The following SEMA3E variants were observed in gnomAD, a reference collection of about 807,000 sequenced individuals.
SEMA3E encodes semaphorin-3E.
Under a neutral mutation model 93.6 loss-of-function variants are expected in SEMA3E, and 49 were observed. That is an observed-to-expected ratio of 0.52 (90% CI 0.42 to 0.66). SEMA3E has a LOEUF of 0.66. Among genes scored for constraint, SEMA3E ranks in the 30% least tolerant of loss-of-function variants. The pLI is 0.00. For synonymous variants in SEMA3E, 363 were observed against 330.7 expected (o/e 1.10, Z -1.06); for missense variants, 906 against 964.8 (o/e 0.94, Z 0.81).
intron 1 of SEMA3E, among the ~76,000 whole-genome samples, chr7:83,620,159 A>G (rs1339448761): frequency 6.6e-6 from 1 of 151,972 alleles, no homozygotes; most frequent in Non-Finnish European, 1.5e-5. Context: ...AAAATATTCA[A>G]TAAGGTCTTC....
chr7:83,462,756 T>C (rs1466219086), intron 4 of SEMA3E, among the ~76,000 whole-genome samples: 2 of 144,258 alleles, frequency 1.4e-5, no homozygotes, highest in East Asian at 3.9e-4. Context: ...TCCCCCATTT[T>C]ACCTGTCCTA....
At chr7:83,547,766 T>C (rs1791681268) in intron 1 of SEMA3E, among the ~76,000 whole-genome samples, 1 of 152,176 alleles carries the variant, frequency 6.6e-6, no homozygotes, top group Non-Finnish European at 1.5e-5. Flanking sequence ...CAAATTTTCT[T>C]CCACCCACAG....
At chr7:83,538,823 C>A (rs1791461312) in intron 1 of SEMA3E, among the ~76,000 whole-genome samples, 2 of 152,146 alleles carry the variant, frequency 1.3e-5, no homozygotes, top group Admixed American at 6.6e-5. Context: ...CTTGAATAAA[C>A]CTTTTCAGGA....
chr7:83,575,336 C>T (rs1335338645), intron 1 of SEMA3E, among the ~76,000 whole-genome samples: 1 of 151,022 alleles, frequency 6.6e-6, no homozygotes, highest in Non-Finnish European at 1.5e-5. Context: ...AAAGATTAGG[C>T]ATTATATTCT....
At chr7:83,611,791 A>G (rs1277827681) in intron 1 of SEMA3E, among the ~76,000 whole-genome samples, 1 of 152,210 alleles carries the variant, frequency 6.6e-6, no homozygotes, top group East Asian at 1.9e-4. Flanking sequence ...AGCCTTGCCC[A>G]TAAAATCTAT....
rs762866887 is a variant in SEMA3E, at chr7:83,407,114, C to T, written c.796G>A (p.Val266Ile). 3.7e-6 allele frequency: 6 copies of T among 1,613,510 alleles called. No individual in the cohort carries two copies. In the South Asian group the frequency reaches 6.6e-5, roughly 18 times the overall value. Residue 266 changes from valine to isoleucine, a missense_variant, in exon 7 of 17, where the codon GTC (valine) becomes ATC (isoleucine). Val to Ile is a conservative substitution (Grantham distance 29). Coordinates refer to ENST00000643230, the MANE Select transcript of SEMA3E (RefSeq NM_012431.3). Reference protein sequence around the residue: ...ENNAHAIYTRVGRLCVNDVGG... With the variant: ...ENNAHAIYTRIGRLCVNDVGG... ...AGCCTCACCACACAGAGTCGCCCGA[C>T]CCTGGTGTAAATTGCGTGAGCATTG...
chr7:83,375,698 G>C (rs1268092210), intron 16 of SEMA3E, among the ~76,000 whole-genome samples: 1 of 152,022 alleles, frequency 6.6e-6, no homozygotes, highest in African/African-American at 2.4e-5. Context: ...CACAAAGCTA[G>C]AATGGTGTCA....
At chr7:83,543,741 T>C (rs1354810333) in intron 1 of SEMA3E, among the ~76,000 whole-genome samples, 1 of 152,070 alleles carries the variant, frequency 6.6e-6, no homozygotes, top group African/African-American at 2.4e-5. Flanking sequence ...TGAATAACTC[T>C]ATATTGCTCG....
At chr7:83,593,455 A>T (rs1339561374) in intron 1 of SEMA3E, among the ~76,000 whole-genome samples, 1 of 152,118 alleles carries the variant, frequency 6.6e-6, no homozygotes, top group Non-Finnish European at 1.5e-5. Context: ...ACAAAAAATA[A>T]TTATAGCTAC....
intron 4 of SEMA3E, among the ~76,000 whole-genome samples, chr7:83,453,579 A>G (rs1789410544): frequency 6.6e-6 from 1 of 152,206 alleles, no homozygotes; most frequent in African/African-American, 2.4e-5. Flanking sequence ...GACCAAAACA[A>G]AACATATTCT....
At chr7:83,527,559 C>T (rs1387610885) in intron 1 of SEMA3E, among the ~76,000 whole-genome samples, 2 of 152,112 alleles carry the variant, frequency 1.3e-5, no homozygotes, top group East Asian at 1.9e-4. Flanking sequence ...CAACTACACC[C>T]TAGTTGTAAA....
chr7:83,368,703 A>G (rs1794711409), intron 16 of SEMA3E, among the ~76,000 whole-genome samples: 3 of 152,254 alleles, frequency 2.0e-5, no homozygotes, highest in Admixed American at 6.5e-5. Flanking sequence ...AAGTTTCAAT[A>G]TACCTTCAGT....
chr7:83,618,963 C>A (rs1169583373), intron 1 of SEMA3E, among the ~76,000 whole-genome samples: 1 of 151,710 alleles, frequency 6.6e-6, no homozygotes, highest in African/African-American at 2.4e-5. Context: ...GAAAAACATA[C>A]CCATCATACA....
intron 4 of SEMA3E, among the ~76,000 whole-genome samples, chr7:83,447,979 A>G (rs1022908546): frequency 5.3e-5 from 8 of 152,194 alleles, no homozygotes; most frequent in African/African-American, 1.9e-4. Flanking sequence ...AAACACTCAA[A>G]ATAAAGTTTC....
intron 1 of SEMA3E, among the ~76,000 whole-genome samples, chr7:83,579,742 T>G (rs1210581581): frequency 6.6e-6 from 1 of 152,134 alleles, no homozygotes; most frequent in Non-Finnish European, 1.5e-5. Context: ...TCACTTTTAC[T>G]ATAGCAAGGT....
intron 1 of SEMA3E, among the ~76,000 whole-genome samples, chr7:83,523,382 G>A (rs1393636987): frequency 6.6e-6 from 1 of 152,062 alleles, no homozygotes; most frequent in Non-Finnish European, 1.5e-5. Context: ...AGGGGATGGA[G>A]AGGGAGGAAG....
At chr7:83,564,442 A>C (rs969218687) in intron 1 of SEMA3E, among the ~76,000 whole-genome samples, 1 of 152,126 alleles carries the variant, frequency 6.6e-6, no homozygotes, top group Non-Finnish European at 1.5e-5. Context: ...AAAAATCTTG[A>C]AAACACATTC....
At chr7:83,564,677 T>C (rs868019516) in intron 1 of SEMA3E, among the ~76,000 whole-genome samples, 3 of 152,332 alleles carry the variant, frequency 2.0e-5, no homozygotes, top group East Asian at 1.9e-4. Context: ...TAGAAACTTA[T>C]CTGTTTTTTT....
chr7:83,474,123 T>G (rs909395810), intron 2 of SEMA3E, among the ~76,000 whole-genome samples: 22 of 119,624 alleles, frequency 1.8e-4, no homozygotes, highest in Non-Finnish European at 3.1e-4. Flanking sequence ...AAAAGAAAAA[T>G]AAGACGTATG....
Sources: gnomAD v4.1 joint callset for allele counts (sites outside exome capture counted in the v4.1 genomes callset) on GRCh38, gnomAD v4.1.1 for gene constraint, MANE v1.5 for transcripts, NCBI Gene and HGNC (gene_info 2026-07-23, HGNC 2026-07-21) for gene names.